UBA1: variants seen among roughly 807,000 people sequenced by gnomAD.
UBA1 encodes ubiquitin-like modifier-activating enzyme 1.
Under a neutral mutation model 84.7 loss-of-function variants are expected in UBA1, and 4 were observed. That is an observed-to-expected ratio of 0.05 (90% CI 0.02 to 0.11). The LOEUF is 0.11. UBA1 is among the 10% of genes least tolerant of loss of function. The probability of loss-of-function intolerance (pLI) is 1.00; values close to 1 mark genes in which losing one functional copy is unlikely to be tolerated. For synonymous variants in UBA1, 364 were observed against 362.6 expected (o/e 1.00, Z -0.04); for missense variants, 513 against 902.8 (o/e 0.57, Z 5.53).
intron 6 of UBA1, 84 bp from the exon 7 acceptor site, chrX:47,201,192 C>A: frequency 1.1e-6 from 1 of 932,317 alleles, no homozygotes; most frequent in Non-Finnish European, 1.5e-6. Context: ...GTTTGCTCAG[C>A]AAGTTTTCAC....
At chrX:47,198,582 T>C (rs1344503394) in intron 1 of UBA1, among the ~76,000 whole-genome samples, 3 of 111,601 alleles carry the variant, frequency 2.7e-5, no homozygotes, top group Admixed American at 9.5e-5. Flanking sequence ...GGCTTAGTGG[T>C]CAGCAGTGTG....
Position 47,215,036 on chromosome X carries a change from T to C in UBA1, c.*107T>C. On this transcript the variant is annotated 3_prime_UTR_variant, in exon 26 of 26. Transcript: ENST00000335972. ...CAGTGGCCCAACTAGCCAAGTCTGG[T>C]GTTCCCTCATCATCCCCCTACCTGA... 9.2e-7 allele frequency: 1 copy of C among 1,090,953 alleles called. No individual in the cohort carries two copies. The highest frequency in any genetic ancestry group is 1.3e-6 in the Non-Finnish European group (1 of 798,215). 89.9% of individuals were successfully genotyped at this position (1,090,953 alleles called of 1,213,427 possible).
chrX:47,198,428 T>C (rs1936281472), intron 1 of UBA1: 1 of 537,561 alleles, frequency 1.9e-6, no homozygotes, highest in Non-Finnish European at 2.8e-6. Flanking sequence ...TTACTGTTAG[T>C]GCGTGGCAGG....
chrX:47,192,465 A>G (rs1382228070), upstream of UBA1, among the ~76,000 whole-genome samples: 1 of 111,104 alleles, frequency 9.0e-6, no homozygotes, highest in Admixed American at 9.6e-5. Flanking sequence ...AACTAATTTT[A>G]TATTAATGTA....
chrX:47,204,254 C>T (rs1404295839), intron 14 of UBA1, among the ~76,000 whole-genome samples: 1 of 99,176 alleles, frequency 1.0e-5, no homozygotes, highest in Non-Finnish European at 2.0e-5. Flanking sequence ...AGAGTACTTA[C>T]AGGACTCAGC....
intron 18 of UBA1, 40 bp downstream of exon 18, chrX:47,210,163 T>G: frequency 8.3e-7 from 1 of 1,199,149 alleles, no homozygotes; most frequent in Non-Finnish European, 1.1e-6. Flanking sequence ...AGAATGTGTT[T>G]CCCTGAAATG....
intron 22 of UBA1, 59 bp downstream of exon 22, chrX:47,212,922 AGCCC>A: frequency 8.3e-7 from 1 of 1,207,034 alleles, no homozygotes; most frequent in Admixed American, 2.2e-5. Flanking sequence ...ACCCACACTT[AGCCC>A]CTCTGTAGAC....
At position 47,211,019 on chromosome X, in the gene UBA1, G is replaced by A. The variant is rs1444658318; in HGVS notation, c.2275-17G>A. The A allele has an allele frequency of 6.6e-6, 8 of 1,209,465 alleles. No individual in the cohort carries two copies. The Admixed American group carries it at 1.7e-4, about 26-fold the overall frequency. On this transcript the variant is annotated splice_polypyrimidine_tract_variant and intron_variant, in intron 19 of 25. Coordinates refer to ENST00000335972, the MANE Select transcript of UBA1 (RefSeq NM_003334.4). ...AGGGCTGATGTGCTCACCCTTCCCT[G>A]CCCTGCCTTCTCCTAGCCCCTGCAT... is the stretch of plus-strand genomic sequence containing the variant.
intron 1 of UBA1, chrX:47,197,685 C>T (rs1046384799): frequency 2.8e-6 from 2 of 708,485 alleles, no homozygotes; most frequent in Non-Finnish European, 3.3e-6. Flanking sequence ...CTCATTTGTC[C>T]GGCAAGGACA....
chrX:47,191,241 G>A (rs1011903942), upstream of UBA1, among the ~76,000 whole-genome samples: 2 of 111,653 alleles, frequency 1.8e-5, no homozygotes, highest in Non-Finnish European at 3.8e-5. Context: ...CAGGATTTGG[G>A]TTATTCTTCA....
intron 14 of UBA1, among the ~76,000 whole-genome samples, chrX:47,204,676 C>T (rs1936585159): frequency 9.0e-6 from 1 of 111,223 alleles, no homozygotes; most frequent in African/African-American, 3.3e-5. Context: ...TCCCAGACAC[C>T]AGCCAAGGAG....
chrX:47,202,319 C>G, intron 9 of UBA1, 39 bp from the exon 10 acceptor site: 1 of 1,209,222 alleles, frequency 8.3e-7, no homozygotes, highest in Non-Finnish European at 1.1e-6. Flanking sequence ...GTTCTCCATT[C>G]CTCTCTTCTG....
At chrX:47,212,286 CT>C (rs1556793708) in intron 20 of UBA1, 137 bp from the exon 21 acceptor site, 1 of 496,575 alleles carries the variant, frequency 2.0e-6, no homozygotes, top group African/African-American at 2.4e-5. Flanking sequence ...CTCCTTGCCC[CT>C]TTTCTCTCCC....
In UBA1 at chrX:47,198,928, CCT is replaced by C; in HGVS notation, c.117+13_117+14del. 8.3e-7 allele frequency: 1 copy of C among 1,210,155 alleles called. No homozygotes were observed. Among genetic ancestry groups the C allele is most frequent in the Middle Eastern group, 2.3e-4 (1 of 4,353 alleles). On this transcript the variant is annotated intron_variant, in intron 2 of 25. Transcript: ENST00000335972. ...CCTCGGTGCCAACCAACGTGAGTGT[CCT>C]CTCCGTGGAGACTGGCAGACGAGGT...
intron 16 of UBA1, among the ~76,000 whole-genome samples, chrX:47,208,247 T>C (rs2147280180): frequency 8.9e-6 from 1 of 111,734 alleles, no homozygotes; most frequent in East Asian, 2.8e-4. Flanking sequence ...CACTGCAACC[T>C]TCCAACTCCT....
In UBA1 at chrX:47,213,173, C is replaced by T. The variant is rs1556794074; in HGVS notation, c.2830C>T (p.Arg944Cys). The change falls in exon 23 of 26, where the codon CGT becomes TGT. Residue 944 changes from arginine (R) to cysteine (C), a missense_variant. Coordinates refer to ENST00000335972, the MANE Select transcript of UBA1 (RefSeq NM_003334.4). ...TTTCTCTGAACCCCTTGCCGCACCA[C>T]GTCACCAGGTGGGGGCCTGCATCCG... ...FGFSEPLAAPRHQYYNQEWTL... is the reference protein window; with the variant it reads ...FGFSEPLAAPCHQYYNQEWTL... 8.3e-7 allele frequency: 1 copy of T among 1,210,718 alleles called. No homozygotes were observed. Among genetic ancestry groups the T allele is most frequent in the Non-Finnish European group, 1.1e-6 (1 of 895,403 alleles).
At chrX:47,196,821 A>G (rs1367437401) in intron 1 of UBA1, among the ~76,000 whole-genome samples, 1 of 111,811 alleles carries the variant, frequency 8.9e-6, no homozygotes, top group African/African-American at 3.3e-5. Context: ...GTCCCAAACA[A>G]ACTGACCAAT....
At chrX:47,205,656 C>T (rs1936638396) in intron 14 of UBA1, 1 of 370,770 alleles carries the variant, frequency 2.7e-6, no homozygotes, top group Non-Finnish European at 4.9e-6. Context: ...GAGTTCAAGA[C>T]CAGCCTGGGC....
intron 16 of UBA1, among the ~76,000 whole-genome samples, chrX:47,208,162 T>G (rs1400859699): frequency 8.9e-6 from 1 of 112,932 alleles, no homozygotes; most frequent in Non-Finnish European, 1.9e-5. Context: ...AAGTTCTGTC[T>G]TGTTTGCTAT....
Sources: allele counts gnomAD v4.1 joint callset (sites outside exome capture counted in the v4.1 genomes callset), GRCh38; gene constraint gnomAD v4.1.1; transcripts MANE v1.5; gene names NCBI Gene and HGNC (gene_info 2026-07-23, HGNC 2026-07-21).